The following POU2AF2 variants were observed in gnomAD, a reference collection of about 807,000 sequenced individuals.
POU2AF2 encodes POU domain class 2-associating factor 2.
chr11:111,255,212 C>A, the POU2AF2 span, among the ~76,000 whole-genome samples: 2 of 152,138 alleles, frequency 1.3e-5, no homozygotes, highest in Non-Finnish European at 2.9e-5. Flanking sequence ...AGTCTGGATT[C>A]CAGCTCTATT....
the POU2AF2 span, among the ~76,000 whole-genome samples, chr11:111,248,511 A>G: frequency 5.3e-5 from 8 of 152,308 alleles, no homozygotes; most frequent in South Asian, 4.1e-4. Context: ...CTCTGTCTTG[A>G]GTGACAGTGT....
the POU2AF2 span, chr11:111,284,206 C>A: frequency 1.9e-6 from 3 of 1,614,226 alleles, no homozygotes; most frequent in Middle Eastern, 3.3e-4. Context: ...CCTGTGAGTC[C>A]TCCGCAGGGC....
chr11:111,255,200 TAA>T, the POU2AF2 span, among the ~76,000 whole-genome samples: 1 of 152,234 alleles, frequency 6.6e-6, no homozygotes, highest in Non-Finnish European at 1.5e-5. Flanking sequence ...CAAACCGACC[TAA>T]GTCTGGATTC....
chr11:111,253,669 C>G, the POU2AF2 span, among the ~76,000 whole-genome samples: 2 of 152,212 alleles, frequency 1.3e-5, no homozygotes, highest in African/African-American at 2.4e-5. Flanking sequence ...CCAGAAAAGT[C>G]TATATAAAAT....
chr11:111,256,249 T>G, the POU2AF2 span, among the ~76,000 whole-genome samples: 1 of 152,232 alleles, frequency 6.6e-6, no homozygotes, highest in African/African-American at 2.4e-5. Flanking sequence ...ACAGACAATC[T>G]TTCTCTCACT....
chr11:111,270,924 C>T, the POU2AF2 span, among the ~76,000 whole-genome samples: 1 of 152,188 alleles, frequency 6.6e-6, no homozygotes, highest in Middle Eastern at 3.2e-3. Context: ...GGGCTCTATT[C>T]ACCTATAACA....
At chr11:111,284,275 G>A in the POU2AF2 span, 1 of 1,613,974 alleles carries the variant, frequency 6.2e-7, no homozygotes, top group Non-Finnish European at 8.5e-7. Flanking sequence ...GAGACTACCG[G>A]CCTCCGGCGC....
At chr11:111,262,837 T>C in the POU2AF2 span, among the ~76,000 whole-genome samples, 1 of 152,236 alleles carries the variant, frequency 6.6e-6, no homozygotes, top group Admixed American at 6.5e-5. Flanking sequence ...CATGACCTTA[T>C]GGGATACATA....
chr11:111,274,602 T>C, the POU2AF2 span, among the ~76,000 whole-genome samples: 2 of 151,090 alleles, frequency 1.3e-5, no homozygotes, highest in Non-Finnish European at 2.9e-5. Flanking sequence ...CAGAGACAGA[T>C]AGACAGACAG....
chr11:111,284,357 G>C, the POU2AF2 span: 1 of 1,607,114 alleles, frequency 6.2e-7, no homozygotes, highest in Non-Finnish European at 8.5e-7. Flanking sequence ...CTTCCCCGGA[G>C]ACCCAGCTCA....
the POU2AF2 span, among the ~76,000 whole-genome samples, chr11:111,252,203 C>T: frequency 3.3e-5 from 5 of 152,184 alleles, no homozygotes; most frequent in African/African-American, 7.2e-5. Flanking sequence ...GATACTCCCC[C>T]TCTTGCTCAG....
chr11:111,263,093 A>G, the POU2AF2 span, among the ~76,000 whole-genome samples: 785 of 152,326 alleles, frequency 5.2e-3, 7 homozygotes, highest in African/African-American at 0.018. Context: ...ATTCAACTTT[A>G]TTAACTATAG....
the POU2AF2 span, chr11:111,286,218 C>A: frequency 1.4e-6 from 1 of 694,024 alleles, no homozygotes; most frequent in Non-Finnish European, 2.3e-6. Context: ...CCACTGTAAC[C>A]CCACTGAAAT....
At chr11:111,276,566 C>G in the POU2AF2 span, among the ~76,000 whole-genome samples, 1 of 144,634 alleles carries the variant, frequency 6.9e-6, no homozygotes, top group Non-Finnish European at 1.5e-5. Flanking sequence ...CGCTTGAACC[C>G]AGGAGGCGGA....
At chr11:111,277,208 AC>A in the POU2AF2 span, among the ~76,000 whole-genome samples, 2 of 152,358 alleles carry the variant, frequency 1.3e-5, no homozygotes, top group Admixed American at 6.5e-5. Context: ...AAGAATGAAA[AC>A]AGAGAGTACA....
At chr11:111,271,425 T>A in the POU2AF2 span, among the ~76,000 whole-genome samples, 1 of 152,014 alleles carries the variant, frequency 6.6e-6, no homozygotes, top group Non-Finnish European at 1.5e-5. Flanking sequence ...CTTTTTTTTC[T>A]TTTCTTTTTT....
At chr11:111,267,457 C>T in the POU2AF2 span, among the ~76,000 whole-genome samples, 4 of 152,298 alleles carry the variant, frequency 2.6e-5, no homozygotes, top group African/African-American at 9.6e-5. Context: ...ACTCACATGA[C>T]CCATTTCTCT....
the POU2AF2 span, among the ~76,000 whole-genome samples, chr11:111,278,287 G>T: frequency 6.6e-6 from 1 of 152,300 alleles, no homozygotes; most frequent in Non-Finnish European, 1.5e-5. Context: ...TAGTCACTCT[G>T]GTTCCAGAGG....
the POU2AF2 span, among the ~76,000 whole-genome samples, chr11:111,269,512 C>G: frequency 3.9e-5 from 6 of 152,112 alleles, no homozygotes; most frequent in African/African-American, 1.4e-4. Flanking sequence ...TCTATTGGTT[C>G]TGCAGGGTTT....
Sources: gnomAD v4.1 joint callset for allele counts (sites outside exome capture counted in the v4.1 genomes callset) on GRCh38, gnomAD v4.1.1 for gene constraint, MANE v1.5 for transcripts, NCBI Gene and HGNC (gene_info 2026-07-23, HGNC 2026-07-21) for gene names.